The following ABCB1 variants were observed in gnomAD, a reference collection of about 807,000 sequenced individuals.
ABCB1 encodes ATP-dependent translocase ABCB1.
ABCB1 carries 69 observed loss-of-function variants against 142.0 expected under a neutral mutation model. The observed-to-expected ratio is 0.49, with a 90% CI of 0.40 to 0.59. The LOEUF is 0.59. Among genes scored for constraint, ABCB1 ranks in the 20% least tolerant of loss-of-function variants. The pLI is 0.00. For synonymous variants in ABCB1, 532 were observed against 539.2 expected (o/e 0.99, Z 0.18); for missense variants, 1,326 against 1,554.7 (o/e 0.85, Z 2.47).
In ABCB1 at chr7:87,553,780, G is replaced by T; in HGVS notation, c.980C>A (p.Ser327Tyr). The T allele has an allele frequency of 6.2e-7, 1 of 1,614,048 alleles. No individual in the cohort carries two copies. Among genetic ancestry groups the T allele is most frequent in the South Asian group, 1.1e-5 (1 of 91,088 alleles). Residue 327 changes from serine (S) to tyrosine (Y), a missense_variant, in exon 9 of 28, where the codon TCT (serine) becomes TAT (tyrosine). Physicochemically the swap from Ser to Tyr is moderately radical, Grantham distance 144 (BLOSUM62 -2). Transcript: ENST00000622132. The stretch of plus-strand genomic sequence containing the variant: ...ACTTACAGTGAGTACTTGTCCAATA[G>T]AATATTCCCCTGAGAGGACCAAGGT... ...GTTLVLSGEY[S>Y]IGQVLTVFFS...
chr7:87,534,587 G>A (rs530921755), intron 20 of ABCB1, among the ~76,000 whole-genome samples: 1 of 152,124 alleles, frequency 6.6e-6, no homozygotes, highest in African/African-American at 2.4e-5. Flanking sequence ...TCTCCCCCAA[G>A]CCTGCTTCTC....
chr7:87,577,573 T>A (rs186910799), intron 4 of ABCB1, among the ~76,000 whole-genome samples: 3 of 152,334 alleles, frequency 2.0e-5, no homozygotes, highest in Admixed American at 2.0e-4. Context: ...TTTCTCCACA[T>A]CCTCGCCAGC....
rs191870800 is a variant in ABCB1 at position 87,522,731 on chromosome 7, T to C, written c.2686-1855A>G. ...GTTAAATGTAATAGTCTGATCATAA[T>C]GCTGAATAAATGTGTCCTTTTTTTT... is the stretch of plus-strand genomic sequence containing the variant. On this transcript the variant is annotated intron_variant, in intron 21 of 27. Coordinates refer to ENST00000622132, the MANE Select transcript of ABCB1 (RefSeq NM_001348946.2). Among the ~76,000 whole-genome samples, 187 of 152,186 alleles carry C rather than the reference T, an allele frequency of 1.2e-3. 1 individual carries two copies. The highest frequency in any genetic ancestry group is 4.4e-3 in the African/African-American group (181 of 41,498).
chr7:87,687,270 C>T (rs1332451247), intron 1 of ABCB1, among the ~76,000 whole-genome samples: 1 of 152,104 alleles, frequency 6.6e-6, no homozygotes, highest in Non-Finnish European at 1.5e-5. Flanking sequence ...CCACAGGGCA[C>T]CATTGCACTG....
chr7:87,563,216 C>A (rs1224859815), intron 7 of ABCB1, among the ~76,000 whole-genome samples: 3 of 152,156 alleles, frequency 2.0e-5, no homozygotes, highest in African/African-American at 7.2e-5. Flanking sequence ...GAATTCATGG[C>A]TGAATTCTGC....
At chr7:87,530,949 GGAAA>G (rs1816029780) in intron 21 of ABCB1, among the ~76,000 whole-genome samples, 1 of 149,838 alleles carries the variant, frequency 6.7e-6, no homozygotes, top group Non-Finnish European at 1.5e-5. Flanking sequence ...AAGGAAGGAA[GGAAA>G]GAAGGAAGGA....
At chr7:87,509,015 C>T (rs1584829135) in intron 26 of ABCB1, among the ~76,000 whole-genome samples, 1 of 152,282 alleles carries the variant, frequency 6.6e-6, no homozygotes, top group East Asian at 1.9e-4. Context: ...TCCAGTTCTC[C>T]TATCCCAGAA....
At position 87,504,200 on chromosome 7, in the gene ABCB1, A is replaced by C. The variant is rs764823857; in HGVS notation, c.*43T>G. Reference sequence around the variant, plus strand: ...TTAACTTTGAATAAATGTCATATCTAAACAAATATTAAAAAGTATTTAACA... The same window carrying C: ...TTAACTTTGAATAAATGTCATATCTCAACAAATATTAAAAAGTATTTAACA... On this transcript the variant is annotated 3_prime_UTR_variant, in exon 28 of 28. Coordinates refer to ENST00000622132, the MANE Select transcript of ABCB1 (RefSeq NM_001348946.2). 1 of 1,610,242 alleles carries C rather than the reference A, an allele frequency of 6.2e-7. No individual in the cohort carries two copies. The highest frequency in any genetic ancestry group is 1.7e-5 in the Admixed American group (1 of 59,998).
upstream of ABCB1, among the ~76,000 whole-genome samples, chr7:87,605,255 T>A (rs540484398): frequency 6.6e-6 from 1 of 152,284 alleles, no homozygotes; most frequent in African/African-American, 2.4e-5. Context: ...TGCCTCAGCC[T>A]CCTGAGTAGC....
intron 1 of ABCB1, among the ~76,000 whole-genome samples, chr7:87,646,608 A>G (rs1421501149): frequency 5.9e-5 from 9 of 152,092 alleles, no homozygotes; most frequent in Non-Finnish European, 1.0e-4. Context: ...ACATTCAGAA[A>G]TTTCCTTCTA....
rs145961959 is a variant in ABCB1, at chr7:87,555,055, C to T, written c.828-1123G>A. Among the ~76,000 whole-genome samples the T allele has an allele frequency of 4.6e-5, 7 of 152,078 alleles. No homozygotes were observed. In the East Asian group the frequency reaches 1.2e-3, roughly 25 times the overall value. On this transcript the variant is annotated intron_variant, in intron 8 of 27. Transcript: ENST00000622132. ...CCCTCAGAGGGTGGTCAATTTTTGA[C>T]GGTAAAGTTAAAGGAGATGATGTCT...
intron 21 of ABCB1, among the ~76,000 whole-genome samples, chr7:87,528,734 A>C (rs935452549): frequency 1.7e-4 from 26 of 152,244 alleles, no homozygotes; most frequent in Non-Finnish European, 7.3e-5. Flanking sequence ...TACACCATTA[A>C]CCAATAAACA....
chr7:87,637,622 AT>A (rs1416316531), intron 1 of ABCB1, among the ~76,000 whole-genome samples: 1 of 152,152 alleles, frequency 6.6e-6, no homozygotes, highest in East Asian at 1.9e-4. Context: ...ATATATAGAT[AT>A]TTTAAATCTC....
At chr7:87,582,965 T>C (rs1169188821) in intron 4 of ABCB1, among the ~76,000 whole-genome samples, 1 of 152,192 alleles carries the variant, frequency 6.6e-6, no homozygotes, top group African/African-American at 2.4e-5. Context: ...GAAATTCTAC[T>C]TAAAGGGATG....
intron 27 of ABCB1, among the ~76,000 whole-genome samples, 189 bp from the exon 28 acceptor site, chr7:87,504,638 T>C (rs1039689548): frequency 1.3e-5 from 2 of 152,010 alleles, no homozygotes; most frequent in East Asian, 3.9e-4. Flanking sequence ...ACCCCATCTC[T>C]ATCAAAAATA....
chr7:87,605,153 G>T (rs1819601811), upstream of ABCB1, among the ~76,000 whole-genome samples: 1 of 152,152 alleles, frequency 6.6e-6, no homozygotes, highest in Admixed American at 6.5e-5. Context: ...TTTTTATTGA[G>T]ATGGAGTATT....
At chr7:87,511,011 G>A (rs971040022) in intron 25 of ABCB1, among the ~76,000 whole-genome samples, 2 of 152,072 alleles carry the variant, frequency 1.3e-5, no homozygotes, top group Non-Finnish European at 2.9e-5. Context: ...TTATACCCCT[G>A]GGAGGAAAAC....
intron 8 of ABCB1, among the ~76,000 whole-genome samples, chr7:87,555,766 A>G (rs1817281658): frequency 6.6e-6 from 1 of 152,126 alleles, no homozygotes; most frequent in Admixed American, 6.6e-5. Context: ...CATATCTCTC[A>G]CTTTATGAGT....
chr7:87,533,630 G>A (rs116853469), intron 20 of ABCB1, among the ~76,000 whole-genome samples: 1 of 152,238 alleles, frequency 6.6e-6, no homozygotes, highest in Non-Finnish European at 1.5e-5. Flanking sequence ...CTACAGAGTA[G>A]GAGTCTATAG....
Sources: allele counts gnomAD v4.1 joint callset (sites outside exome capture counted in the v4.1 genomes callset), GRCh38; gene constraint gnomAD v4.1.1; transcripts MANE v1.5; gene names NCBI Gene and HGNC (gene_info 2026-07-23, HGNC 2026-07-21).